IGFBP7: variants seen among roughly 807,000 people sequenced by gnomAD.
IGFBP7 encodes the protein insulin-like growth factor-binding protein 7.
Under a neutral mutation model 29.4 loss-of-function variants are expected in IGFBP7, and 31 were observed. That is an observed-to-expected ratio of 1.05 (90% confidence interval 0.79 to 1.42). IGFBP7 has a LOEUF of 1.42. Ranked by LOEUF, IGFBP7 falls within the 40% of genes most tolerant of loss-of-function variation. The pLI, the probability that IGFBP7 is intolerant of heterozygous loss-of-function variation, is 0.00. For missense variants in IGFBP7, 393 were observed against 395.5 expected, an observed-to-expected ratio of 0.99 and a Z score of 0.05; for synonymous variants, 172 against 174.9, an observed-to-expected ratio of 0.98 and a Z score of 0.13.
chr4:57,050,368 C>T (rs1335184007), intron 1 of IGFBP7, among the ~76,000 whole-genome samples: 1 of 151,904 alleles, frequency 6.6e-6, no homozygotes, highest in Admixed American at 6.6e-5. Flanking sequence ...CCTCATCCTC[C>T]TGAGTAGCTG....
At chr4:57,044,825 A>G in intron 1 of IGFBP7, among the ~76,000 whole-genome samples, 1 of 152,314 alleles carries the variant, frequency 6.6e-6, no homozygotes. Flanking sequence ...CCCCCCAATC[A>G]TCTTACTATT....
At chr4:57,071,434 T>C (rs977068080) in intron 1 of IGFBP7, among the ~76,000 whole-genome samples, 1 of 152,234 alleles carries the variant, frequency 6.6e-6, no homozygotes, top group Admixed American at 6.5e-5. Context: ...TGCTGACAAC[T>C]AAGTTTGCAC....
In IGFBP7 at chr4:57,032,691, T is replaced by C. The variant is rs903929556; in HGVS notation, c.703-139A>G. 5.5e-6 allele frequency: 4 copies of C among 732,268 alleles called. No individual in the cohort carries two copies. In the Admixed American group the frequency reaches 8.3e-5, roughly 15 times the overall value. 45.4% of individuals were successfully genotyped at this position (732,268 alleles called of 1,614,324 possible). A position where few individuals can be genotyped will look rare whatever the true frequency, so the allele number is the denominator to read the frequency against. ...AAGGTACTGCTAGAAGCAGTGCAAG[T>C]CCTGTGATAGGAGACTTCGATAACT... is the stretch of plus-strand genomic sequence containing the variant. On this transcript the variant is annotated intron_variant, in intron 3 of 4. Coordinates refer to ENST00000295666, the MANE Select transcript of IGFBP7 (RefSeq NM_001553.3).
intron 1 of IGFBP7, among the ~76,000 whole-genome samples, chr4:57,055,994 G>A (rs1426342310): frequency 6.6e-6 from 1 of 152,010 alleles, no homozygotes; most frequent in South Asian, 2.1e-4. Flanking sequence ...TTGTACTTGC[G>A]TATGTTTTTA....
intron 1 of IGFBP7, among the ~76,000 whole-genome samples, chr4:57,082,205 C>T (rs911981832): frequency 6.6e-6 from 1 of 152,090 alleles, no homozygotes; most frequent in African/African-American, 2.4e-5. Flanking sequence ...TTTGTCTCTA[C>T]ATCAGAAGTG....
chr4:57,108,508 G>C (rs966438799), intron 1 of IGFBP7, among the ~76,000 whole-genome samples: 1 of 151,318 alleles, frequency 6.6e-6, no homozygotes, highest in African/African-American at 2.4e-5. Flanking sequence ...GTGTGTATGT[G>C]CGTGTATTTG....
rs143667417 is a variant in IGFBP7 at position 57,063,974 on chromosome 4, A to C, written c.476-23041T>G. 1.1e-3 allele frequency among the ~76,000 whole-genome samples: 167 copies of C among 152,340 alleles called. 2 individuals carry two copies. In the East Asian group the frequency reaches 0.026, roughly 24 times the overall value. On this transcript the variant is annotated intron_variant, in intron 1 of 4. Coordinates refer to ENST00000295666, the MANE Select transcript of IGFBP7 (RefSeq NM_001553.3). ...ATATTCCTTTATTAGTCAATTTATA[A>C]AATTTAAAAATTGGAGGTTAAGTGG...
chr4:57,078,624 AC>A lies in IGFBP7; in HGVS notation c.475+31252del, dbSNP rs1424565548. 6.6e-5 allele frequency among the ~76,000 whole-genome samples: 10 copies of A among 151,112 alleles called. No individual in the cohort carries two copies. The East Asian group carries it at 1.6e-3, about 24-fold the overall frequency. ...TTCTCTTCCTCCCCTCTCACAGAAC[AC>A]CCTTACCCTTGATGGGCCAGTGATA... is the stretch of plus-strand genomic sequence containing the variant. On this transcript the variant is annotated intron_variant, in intron 1 of 4. Transcript: ENST00000295666.
chr4:57,100,980 A>G (rs1692422354), intron 1 of IGFBP7, among the ~76,000 whole-genome samples: 1 of 152,244 alleles, frequency 6.6e-6, no homozygotes. Flanking sequence ...AAATCCACAG[A>G]AGTCCTTAGC....
chr4:57,103,375 C>T (rs1578654250), intron 1 of IGFBP7, among the ~76,000 whole-genome samples: 2 of 152,216 alleles, frequency 1.3e-5, no homozygotes, highest in Admixed American at 6.5e-5. Context: ...GGCTCTGTCA[C>T]GCAGCCAGCT....
chr4:57,088,859 A>T (rs1280507167), intron 1 of IGFBP7, among the ~76,000 whole-genome samples: 1 of 151,826 alleles, frequency 6.6e-6, no homozygotes, highest in Non-Finnish European at 1.5e-5. Flanking sequence ...CTGAAACCCC[A>T]TCTCTACCAA....
At position 57,089,027 on chromosome 4, in the gene IGFBP7, G is replaced by T. The variant is rs1725569757; in HGVS notation, c.475+20850C>A. On this transcript the variant is annotated intron_variant, in intron 1 of 4. Coordinates refer to ENST00000295666, the MANE Select transcript of IGFBP7 (RefSeq NM_001553.3). ...AGCCTGAGCAACAGAGTGAGACTCT[G>T]TCTCAAAAAAATAAAAAAAAAAAAA... Among the ~76,000 whole-genome samples, 4 of 97,346 alleles carry T rather than the reference G, an allele frequency of 4.1e-5. No homozygotes were observed. The Admixed American group carries it at 5.0e-4, about 12-fold the overall frequency. The allele number at this position is 97,346 out of a possible 152,430, so 63.9% of individuals were successfully genotyped here.
chr4:57,074,529 A>T (rs909208630), intron 1 of IGFBP7, among the ~76,000 whole-genome samples: 6 of 152,146 alleles, frequency 3.9e-5, no homozygotes, highest in Non-Finnish European at 8.8e-5. Flanking sequence ...CTCTCCTCAC[A>T]TGAGACACAA....
At chr4:57,062,829 T>C (rs1480254635) in intron 1 of IGFBP7, among the ~76,000 whole-genome samples, 1 of 152,034 alleles carries the variant, frequency 6.6e-6, no homozygotes, top group Admixed American at 6.5e-5. Flanking sequence ...ATCCTTCTAT[T>C]AGAGAAAATG....
chr4:57,105,508 C>G (rs4242006), intron 1 of IGFBP7, among the ~76,000 whole-genome samples: 148,433 of 152,346 alleles, frequency 0.97, 72,440 homozygotes, highest in East Asian at 1. Flanking sequence ...ATAATGACAA[C>G]AATTAATGTT....
chr4:57,061,936 T>C (rs555271681), intron 1 of IGFBP7, among the ~76,000 whole-genome samples: 47 of 152,306 alleles, frequency 3.1e-4, no homozygotes, highest in African/African-American at 9.1e-4. Context: ...GTGCTGGGAT[T>C]ACAGCTGTGA....
chr4:57,109,697 T>C (rs892360791), intron 1 of IGFBP7, 180 bp downstream of exon 1: 1 of 707,606 alleles, frequency 1.4e-6, no homozygotes, highest in Non-Finnish European at 2.2e-6. Flanking sequence ...AGGGGGGGCG[T>C]CGCCCACCGC....
At chr4:57,039,091 CA>C (rs1724157701) in intron 2 of IGFBP7, among the ~76,000 whole-genome samples, 1 of 125,566 alleles carries the variant, frequency 8.0e-6, no homozygotes, top group African/African-American at 3.0e-5. Context: ...AAAAAAAAGA[CA>C]AAAACGTAAG....
chr4:57,086,453 A>T (rs1725500593), intron 1 of IGFBP7, among the ~76,000 whole-genome samples: 1 of 151,956 alleles, frequency 6.6e-6, no homozygotes, highest in South Asian at 2.1e-4. Context: ...TCCAGTGAAA[A>T]CCTGTTGGCT....
Sources: allele counts gnomAD v4.1 joint callset (sites outside exome capture counted in the v4.1 genomes callset), GRCh38; gene constraint gnomAD v4.1.1; transcripts MANE v1.5; gene names NCBI Gene and HGNC (gene_info 2026-07-23, HGNC 2026-07-21).